The following IPO11 variants were observed in gnomAD, a reference collection of about 807,000 sequenced individuals.
IPO11 encodes the protein importin 11, also known as importin-11.
IPO11 carries 66 observed loss-of-function variants against 143.2 expected under a neutral mutation model. The observed-to-expected ratio is 0.46, with a 90% CI of 0.38 to 0.57. IPO11 has a LOEUF of 0.57. Among genes scored for constraint, IPO11 ranks in the 20% least tolerant of loss-of-function variants. The pLI is 0.00. For missense variants in IPO11, 1,026 were observed against 1,141.0 expected, an observed-to-expected ratio of 0.90 and a Z score of 1.45; for synonymous variants, 385 against 377.8, an observed-to-expected ratio of 1.02 and a Z score of -0.22.
chr5:62,587,180 G>A (rs1438057559), intron 27 of IPO11, among the ~76,000 whole-genome samples: 1 of 151,988 alleles, frequency 6.6e-6, no homozygotes, highest in African/African-American at 2.4e-5. Flanking sequence ...GGGCGACACT[G>A]CTGTGTGTGT....
chr5:62,573,872 C>T (rs1744227224), intron 27 of IPO11, among the ~76,000 whole-genome samples: 1 of 152,170 alleles, frequency 6.6e-6, no homozygotes, highest in African/African-American at 2.4e-5. Context: ...GTCTTCAGCA[C>T]TGGTGGCTTA....
chr5:62,463,724 T>C (rs1432947047), intron 5 of IPO11, among the ~76,000 whole-genome samples: 2 of 151,924 alleles, frequency 1.3e-5, no homozygotes, highest in Non-Finnish European at 2.9e-5. Flanking sequence ...AATGTTTATC[T>C]CTTTTATACA....
Position 62,601,933 on chromosome 5 carries a change from C to G in IPO11, c.2763+85C>G, listed in dbSNP as rs1745521624. ...TCAGAAATATCTATGGTCTATTTGT[C>G]CATCCAGCTATATGTCTATCCATCT... On this transcript the variant is annotated intron_variant, in intron 29 of 29. Coordinates refer to ENST00000325324, the MANE Select transcript of IPO11 (RefSeq NM_016338.5). 27 of 770,478 alleles carry G rather than the reference C, an allele frequency of 3.5e-5. No individual in the cohort carries two copies. The South Asian group carries it at 5.6e-4, about 16-fold the overall frequency. 47.7% of individuals were successfully genotyped at this position (770,478 alleles called of 1,614,324 possible).
chr5:62,596,965 TC>T (rs1324296212), intron 28 of IPO11, among the ~76,000 whole-genome samples: 1 of 152,180 alleles, frequency 6.6e-6, no homozygotes, highest in African/African-American at 2.4e-5. Flanking sequence ...TTATCCTCCT[TC>T]GCAAATATCT....
intron 18 of IPO11, 23 bp from the exon 19 acceptor site, chr5:62,506,218 A>T (rs1289146939): frequency 2.3e-6 from 3 of 1,332,344 alleles, no homozygotes; most frequent in Admixed American, 1.8e-5. Context: ...AACCTTTTTT[A>T]TTTTCTTTCT....
Position 62,466,059 on chromosome 5 carries a change from A to G in IPO11, c.517-1072A>G, listed in dbSNP as rs1745563889. On this transcript the variant is annotated intron_variant, in intron 5 of 29. Transcript: ENST00000325324. Reference sequence around the variant, plus strand: ...CTGAGAGGTGATGAGAAACTGTCTCATGATAGCCTAATGGTGCAGATAAAG... The same window carrying G: ...CTGAGAGGTGATGAGAAACTGTCTCGTGATAGCCTAATGGTGCAGATAAAG... Among the ~76,000 whole-genome samples, 3 of 152,202 alleles carry G rather than the reference A, an allele frequency of 2.0e-5. No homozygotes were observed. In the South Asian group the frequency reaches 6.2e-4, roughly 32 times the overall value.
intron 27 of IPO11, among the ~76,000 whole-genome samples, chr5:62,572,009 A>G (rs1026474613): frequency 5.3e-5 from 8 of 152,144 alleles, no homozygotes; most frequent in Non-Finnish European, 1.0e-4. Context: ...TAAATGTGTA[A>G]TCAAGACTAA....
chr5:62,489,047 T>G (rs1278456734), intron 13 of IPO11, among the ~76,000 whole-genome samples: 3 of 152,220 alleles, frequency 2.0e-5, no homozygotes, highest in African/African-American at 7.2e-5. Flanking sequence ...ATTAGCATTT[T>G]GTGGTGTATA....
At chr5:62,606,547 A>G (rs1030758289) in intron 29 of IPO11, among the ~76,000 whole-genome samples, 13 of 151,332 alleles carry the variant, frequency 8.6e-5, no homozygotes, top group South Asian at 6.3e-4. Context: ...TGAAGTTAAA[A>G]TGTGTGCGGC....
chr5:62,593,320 G>A (rs1745102254), intron 28 of IPO11, among the ~76,000 whole-genome samples: 1 of 152,156 alleles, frequency 6.6e-6, no homozygotes, highest in African/African-American at 2.4e-5. Context: ...ATTATCTAGT[G>A]CAGTCTCATG....
intron 20 of IPO11, among the ~76,000 whole-genome samples, chr5:62,523,758 G>A (rs183199208): frequency 2.0e-5 from 3 of 152,258 alleles, no homozygotes; most frequent in Non-Finnish European, 4.4e-5. Context: ...ATAACCTTCT[G>A]GCTGATAATG....
At chr5:62,444,402 T>C (rs1397858367) in intron 3 of IPO11, among the ~76,000 whole-genome samples, 1 of 152,090 alleles carries the variant, frequency 6.6e-6, no homozygotes, top group Non-Finnish European at 1.5e-5. Context: ...GGAGTAATTT[T>C]TTACATAGGA....
intron 2 of IPO11, among the ~76,000 whole-genome samples, chr5:62,439,104 C>T (rs6866966): frequency 0.11 from 16,443 of 151,124 alleles, 937 homozygotes; most frequent in South Asian, 0.15. Flanking sequence ...ACTCTCCTTA[C>T]GCTTATTTAA....
chr5:62,627,129 T>G, intron 29 of IPO11, 25 bp from the exon 30 acceptor site: 1 of 1,603,254 alleles, frequency 6.2e-7, no homozygotes, highest in Non-Finnish European at 8.5e-7. Flanking sequence ...TTTTTGACAG[T>G]CTTGCTCCTC....
At chr5:62,518,721 G>T (rs550902839) in intron 20 of IPO11, among the ~76,000 whole-genome samples, 2 of 152,188 alleles carry the variant, frequency 1.3e-5, no homozygotes, top group South Asian at 2.1e-4. Flanking sequence ...GTATGTTTTT[G>T]TTTGTTTTTT....
intron 29 of IPO11, among the ~76,000 whole-genome samples, chr5:62,623,087 T>G (rs1024370287): frequency 3.3e-4 from 50 of 152,334 alleles, no homozygotes; most frequent in African/African-American, 1.2e-3. Context: ...TCTTAGAAAC[T>G]TAGTTATTTT....
At chr5:62,605,879 G>A (rs1745693273) in intron 29 of IPO11, among the ~76,000 whole-genome samples, 1 of 152,002 alleles carries the variant, frequency 6.6e-6, no homozygotes, top group Non-Finnish European at 1.5e-5. Flanking sequence ...GAGACCGCAT[G>A]TGCATGCCAC....
chr5:62,598,395 T>TTCCTTC (rs1745314154), intron 28 of IPO11, among the ~76,000 whole-genome samples: 1 of 10,888 alleles, frequency 9.2e-5, no homozygotes. Context: ...TTGCTTGCTT[T>TTCCTTC]CTTTCTTTCT....
At chr5:62,556,570 C>T (rs1743582313) in intron 26 of IPO11, among the ~76,000 whole-genome samples, 1 of 152,088 alleles carries the variant, frequency 6.6e-6, no homozygotes, top group South Asian at 2.1e-4. Flanking sequence ...GAGACTCCAT[C>T]TCTACAAAAA....
Sources: gnomAD v4.1 joint callset for allele counts (sites outside exome capture counted in the v4.1 genomes callset) on GRCh38, gnomAD v4.1.1 for gene constraint, MANE v1.5 for transcripts, NCBI Gene and HGNC (gene_info 2026-07-23, HGNC 2026-07-21) for gene names.